KIF7: variants seen among roughly 807,000 people sequenced by gnomAD.
KIF7 encodes the protein kinesin-like protein KIF7.
KIF7 carries 104 observed loss-of-function variants against 135.7 expected under a neutral mutation model. The ratio of observed to expected loss-of-function variants is 0.77; its 90% CI spans 0.65 to 0.90. The LOEUF is 0.90. Ranked by LOEUF, KIF7 falls within the 40% of genes least tolerant of loss-of-function variation. KIF7 has a pLI of 0.00. For missense variants in KIF7, 2,005 were observed against 1,839.1 expected, an observed-to-expected ratio of 1.09 and a Z score of -1.65; for synonymous variants, 883 against 809.4, an observed-to-expected ratio of 1.09 and a Z score of -1.54.
chr15:89,627,461 C>T (rs976521454), downstream of KIF7: 4 of 228,310 alleles, frequency 1.8e-5, no homozygotes, highest in Admixed American at 5.2e-5. Flanking sequence ...CCTTGAGCTG[C>T]TGTAAGGCTG....
intron 3 of KIF7, 113 bp from the exon 4 acceptor site, chr15:89,649,480 C>T: frequency 8.0e-7 from 1 of 1,245,724 alleles, no homozygotes; most frequent in Non-Finnish European, 1.1e-6. Flanking sequence ...CCACTGCTCC[C>T]TCCCCATGCC....
At chr15:89,645,605 A>C (rs1481411907) in intron 8 of KIF7, among the ~76,000 whole-genome samples, 154 bp from the exon 9 acceptor site, 1 of 152,156 alleles carries the variant, frequency 6.6e-6, no homozygotes, top group Non-Finnish European at 1.5e-5. Context: ...TCAGGAGTCC[A>C]GGGGCAGAGT....
chr15:89,623,732 C>A (rs1207627278), downstream of KIF7: 1 of 1,614,052 alleles, frequency 6.2e-7, no homozygotes, highest in Admixed American at 1.7e-5. Context: ...CTGCAGAAGT[C>A]CCCTGCAAAA....
chr15:89,631,348 C>T (rs1309203433), intron 15 of KIF7, 147 bp downstream of exon 15: 24 of 730,516 alleles, frequency 3.3e-5, no homozygotes, highest in South Asian at 1.9e-4. Context: ...CAGCCCTCCC[C>T]AGCCCCCACC....
intron 10 of KIF7, among the ~76,000 whole-genome samples, chr15:89,644,141 CAT>C (rs1963969385): frequency 6.6e-6 from 1 of 152,054 alleles, no homozygotes; most frequent in Non-Finnish European, 1.5e-5. Flanking sequence ...GTACTCGTCT[CAT>C]GTCTGGTTGA....
downstream of KIF7, chr15:89,625,779 T>C (rs1294013073): frequency 6.3e-7 from 1 of 1,596,172 alleles, no homozygotes. Context: ...AAGAGGTGTT[T>C]GTTTCCGGTG....
In KIF7 at chr15:89,645,991, C is replaced by T. The variant is rs201152117; in HGVS notation, c.1824G>A (p.Leu608=). 3.1e-5 allele frequency: 50 copies of T among 1,613,856 alleles called. No homozygotes were observed. Among genetic ancestry groups the T allele is most frequent in the Non-Finnish European group, 4.2e-5 (50 of 1,180,006 alleles). The change falls in exon 8 of 19, where the codon TTG becomes TTA. Residue 608 remains leucine (L), a synonymous_variant. Coordinates refer to ENST00000394412, the MANE Select transcript of KIF7 (RefSeq NM_198525.3). ...TTCCCAGCCTGTTCACCTCAGTCAG[C>T]AACTCAGCTCCAGCCTCCCTGCCAT... ...VTNGREAGAE[L]LTEVNRLGSG... is the part of the protein sequence containing the mutation.
rs567223619 is a variant in KIF7, at chr15:89,635,981, C to T, written c.2395-2098G>A. Among the ~76,000 whole-genome samples, 1,070 of 152,076 alleles carry T rather than the reference C, an allele frequency of 7.0e-3. 5 individuals carry two copies. Among genetic ancestry groups the T allele is most frequent in the African/African-American group, 0.025 (1,023 of 41,466 alleles). On this transcript the variant is annotated intron_variant, in intron 11 of 18. Transcript: ENST00000394412. ...CCCATCAGACTAACAGCGGATCTCTCGGCAGAAACTCTACAAGCCAGAAGA... is the reference window on the plus strand; with the variant it reads ...CCCATCAGACTAACAGCGGATCTCTTGGCAGAAACTCTACAAGCCAGAAGA...
downstream of KIF7, chr15:89,625,824 C>G (rs1412579608): frequency 1.3e-6 from 2 of 1,570,514 alleles, no homozygotes; most frequent in African/African-American, 2.7e-5. Flanking sequence ...CTCATGGTTT[C>G]TTTTGGTCAG....
chr15:89,617,994 C>T (rs1320775308), intron 2 of KIF7: 2 of 772,052 alleles, frequency 2.6e-6, no homozygotes, highest in Admixed American at 4.0e-5. Context: ...GGCCAGCCTC[C>T]CTCTTGACAA....
Position 89,652,665 on chromosome 15 carries a change from G to C in KIF7, c.266C>G (p.Thr89Ser). 1 of 1,550,938 alleles carries C rather than the reference G, an allele frequency of 6.4e-7. No individual in the cohort carries two copies. Among genetic ancestry groups the C allele is most frequent in the South Asian group, 1.2e-5 (1 of 83,982 alleles). The change falls in exon 2 of 19, where the codon ACT (threonine) becomes AGT (serine). Residue 89 changes from threonine to serine, a missense_variant. Transcript: ENST00000394412. ...GCCCGTCTGACCATAGGCAAAGACAGTGGCATTGAAGCCCTCGAAGAAGGC... is the reference window on the plus strand; with the variant it reads ...GCCCGTCTGACCATAGGCAAAGACACTGGCATTGAAGCCCTCGAAGAAGGC... ...LEAFFEGFNA[T>S]VFAYGQTGSG...
the KIF7 span, among the ~76,000 whole-genome samples, chr15:89,661,088 G>A: frequency 6.6e-6 from 1 of 152,198 alleles, no homozygotes; most frequent in African/African-American, 2.4e-5. Flanking sequence ...TCTTAGGATA[G>A]TTTGTTATGC....
chr15:89,648,475 TCGGCGCCCAGG>T lies in KIF7; in HGVS notation c.1212_1222del (p.Leu405ValfsTer54), dbSNP rs1391614221. ...GGTGCAGGCCCGGTAGCGCGCGCAC[TCGGCGCCCAGG>T]CGCATGGCGGCCGCCGCGGAGGCGG... is the stretch of plus-strand genomic sequence containing the variant. On this transcript the variant is annotated frameshift_variant, in exon 5 of 19. Transcript: ENST00000394412. LOFTEE classifies it high-confidence loss of function. 9.5e-7 allele frequency: 1 copy of T among 1,048,794 alleles called. No individual in the cohort carries two copies. The highest frequency in any genetic ancestry group is 1.7e-5 in the African/African-American group (1 of 57,684). 65.0% of individuals were successfully genotyped at this position (1,048,794 alleles called of 1,614,324 possible).
rs386383750 is a variant in KIF7 at position 89,619,221 on chromosome 15, C to CTTTTTTT, written c.181-1033_181-1027dup. Among the ~76,000 whole-genome samples the CTTTTTTT allele has an allele frequency of 8.2e-3, 913 of 111,520 alleles. 16 individuals are homozygous for CTTTTTTT. The highest frequency in any genetic ancestry group is 9.3e-3 in the African/African-American group (265 of 28,442). 73.2% of individuals were successfully genotyped at this position (111,520 alleles called of 152,430 possible). A position where few individuals can be genotyped will look rare whatever the true frequency, so the allele number is the denominator to read the frequency against. On this transcript the variant is annotated intron_variant and NMD_transcript_variant, in intron 1 of 2. Transcript: ENST00000558928. ...CTTGTTTTCGCCCTACACCATTCTT[C>CTTTTTTT]TTTTTTTTTTTTTTTTTTTGGTGAG... is the stretch of plus-strand genomic sequence containing the variant.
At chr15:89,657,798 A>G (rs1478004592), upstream of KIF7, among the ~76,000 whole-genome samples, 1 of 152,248 alleles carries the variant, frequency 6.6e-6, no homozygotes, top group East Asian at 1.9e-4. Context: ...TGAGTCGGTA[A>G]AAATTCCTTC....
exon 2 of KIF7, chr15:89,618,075 T>G: frequency 2.1e-6 from 3 of 1,410,458 alleles, no homozygotes; most frequent in Non-Finnish European, 3.0e-6. Flanking sequence ...TCTTGTTAAG[T>G]GAGAAGCTGC....
rs1253173438 is a variant in KIF7, at chr15:89,646,991, GCC to G, written c.1625_1626del (p.Arg542ProfsTer46). On this transcript the variant is annotated frameshift_variant, in exon 7 of 19. Coordinates refer to ENST00000394412, the MANE Select transcript of KIF7 (RefSeq NM_198525.3). LOFTEE classifies it high-confidence loss of function. The stretch of plus-strand genomic sequence containing the variant: ...AGGAGCCGCGGGCCCCCCCAGCCTG[GCC>G]GCACCAGCTCTAACCGCAGCCGCAG... ...VELRLRLELV[R>X]PGWGGPRLLN... 1 of 1,612,928 alleles carries G rather than the reference GCC, an allele frequency of 6.2e-7. No homozygotes were observed. Among genetic ancestry groups the G allele is most frequent in the Admixed American group, 1.7e-5 (1 of 59,928 alleles).
rs749511593 is a variant in KIF7 at position 89,628,172 on chromosome 15, A to ACACAAGGCGGC, written c.*236_*246dup. ...AGAATTGTCCTGAGATTCGAGCAAG[A>ACACAAGGCGGC]CACAAGGCGGCAATTGGGTACCACA... On this transcript the variant is annotated 3_prime_UTR_variant, in exon 19 of 19. Coordinates refer to ENST00000394412, the MANE Select transcript of KIF7 (RefSeq NM_198525.3). 1.5e-5 allele frequency: 7 copies of ACACAAGGCGGC among 476,468 alleles called. No homozygotes were observed. The highest frequency in any genetic ancestry group is 2.6e-5 in the Non-Finnish European group (7 of 271,844). The allele number at this position is 476,468 out of a possible 1,614,324, so 29.5% of individuals were successfully genotyped here.
chr15:89,650,721 G>A (rs916080227), intron 2 of KIF7, among the ~76,000 whole-genome samples: 1 of 152,000 alleles, frequency 6.6e-6, no homozygotes, highest in Non-Finnish European at 1.5e-5. Flanking sequence ...TGGAATGCCA[G>A]GTAGCCATTA....
Sources: allele counts gnomAD v4.1 joint callset (sites outside exome capture counted in the v4.1 genomes callset), GRCh38; gene constraint gnomAD v4.1.1; transcripts MANE v1.5; gene names NCBI Gene and HGNC (gene_info 2026-07-23, HGNC 2026-07-21).